Variants in FRMD4A observed in about 807,000 individuals in gnomAD.
The protein encoded by FRMD4A is FERM domain-containing protein 4A.
A neutral mutation model predicts 129.1 loss-of-function variants in FRMD4A; 29 were observed. The observed-to-expected ratio is 0.22, with a 90% CI of 0.17 to 0.31. The LOEUF is 0.31. FRMD4A is among the 10% of genes least tolerant of loss of function. FRMD4A has a pLI of 1.00. For missense variants in FRMD4A, 1,272 were observed against 1,375.8 expected, an observed-to-expected ratio of 0.92 and a Z score of 1.19; for synonymous variants, 634 against 571.6, an observed-to-expected ratio of 1.11 and a Z score of -1.56.
intron 2 of FRMD4A, among the ~76,000 whole-genome samples, chr10:13,997,465 C>T (rs556794521): frequency 1.3e-5 from 2 of 152,228 alleles, no homozygotes; most frequent in Non-Finnish European, 2.9e-5. Flanking sequence ...CCCACTGTGC[C>T]TGTTTTTCTG....
rs1375168871 is a variant in FRMD4A at position 13,659,610 on chromosome 10, C to A, written c.1899-120G>T. ...GAAAGCTCGCCCGTGACTCCCACCT[C>A]GCTTGGTCAGACCTCTACTGTGGTT... On this transcript the variant is annotated intron_variant, in intron 20 of 24. Coordinates refer to ENST00000357447, the MANE Select transcript of FRMD4A (RefSeq NM_018027.5). 6.0e-6 allele frequency: 6 copies of A among 993,924 alleles called. No homozygotes were observed. The Admixed American group carries it at 8.8e-5, about 15-fold the overall frequency. 61.6% of individuals were successfully genotyped at this position (993,924 alleles called of 1,614,324 possible).
At chr10:13,780,399 G>A (rs992541258) in intron 6 of FRMD4A, among the ~76,000 whole-genome samples, 2 of 152,142 alleles carry the variant, frequency 1.3e-5, no homozygotes, top group Non-Finnish European at 2.9e-5. Context: ...TCTTCCCCGG[G>A]AGGAGGTGTG....
intron 12 of FRMD4A, among the ~76,000 whole-genome samples, chr10:13,736,388 A>G (rs947381256): frequency 2.0e-5 from 3 of 152,204 alleles, no homozygotes; most frequent in Non-Finnish European, 2.9e-5. Flanking sequence ...CTTGTTGCAT[A>G]TAAATGGATA....
At chr10:14,176,528 G>A (rs1286527034) in intron 2 of FRMD4A, among the ~76,000 whole-genome samples, 1 of 135,094 alleles carries the variant, frequency 7.4e-6, no homozygotes, top group African/African-American at 2.8e-5. Flanking sequence ...AGGCTGGAGT[G>A]CAATGGCGCA....
chr10:14,091,463 C>G (rs1836658316), intron 2 of FRMD4A, among the ~76,000 whole-genome samples: 1 of 152,078 alleles, frequency 6.6e-6, no homozygotes, highest in Non-Finnish European at 1.5e-5. Flanking sequence ...GAGACGGAGT[C>G]CCACTCTGTC....
chr10:13,935,721 T>C (rs1358513426), intron 2 of FRMD4A, among the ~76,000 whole-genome samples: 1 of 152,160 alleles, frequency 6.6e-6, no homozygotes, highest in African/African-American at 2.4e-5. Flanking sequence ...GTTGTGCTCT[T>C]TCCACTTACT....
intron 2 of FRMD4A, among the ~76,000 whole-genome samples, chr10:14,240,264 A>G (rs779078595): frequency 6.6e-6 from 1 of 152,196 alleles, no homozygotes. Flanking sequence ...TTTCAGACAG[A>G]AATCACACAG....
chr10:13,743,316 G>C (rs943619518), intron 9 of FRMD4A, among the ~76,000 whole-genome samples: 1 of 152,128 alleles, frequency 6.6e-6, no homozygotes, highest in South Asian at 2.1e-4. Flanking sequence ...GAGGTTCAGC[G>C]GCTCCACTTC....
At chr10:13,684,858 T>C (rs2084931626) in intron 15 of FRMD4A, 1 of 978,714 alleles carries the variant, frequency 1.0e-6, no homozygotes, top group African/African-American at 1.9e-5. Flanking sequence ...AATCCGTCTC[T>C]TTAGACCTTA....
chr10:14,008,785 A>G (rs936166716), intron 2 of FRMD4A, among the ~76,000 whole-genome samples: 4 of 152,208 alleles, frequency 2.6e-5, no homozygotes, highest in African/African-American at 4.8e-5. Flanking sequence ...CATAAATTCT[A>G]TCTATAAAAC....
At chr10:14,102,466 T>C (rs1837359054) in intron 2 of FRMD4A, among the ~76,000 whole-genome samples, 1 of 152,106 alleles carries the variant, frequency 6.6e-6, no homozygotes, top group Non-Finnish European at 1.5e-5. Flanking sequence ...GGCGGACACA[T>C]TGAGTAATTC....
chr10:13,922,886 T>A (rs2610809), intron 2 of FRMD4A, among the ~76,000 whole-genome samples: 15,256 of 152,294 alleles, frequency 0.1, 1,076 homozygotes, highest in Non-Finnish European at 0.13. Context: ...AGTAATTGTC[T>A]GCAATAAATA....
chr10:14,283,116 A>G (rs995118509), intron 2 of FRMD4A, among the ~76,000 whole-genome samples: 5 of 152,240 alleles, frequency 3.3e-5, no homozygotes, highest in Non-Finnish European at 7.3e-5. Context: ...TAAACTCACA[A>G]ATTTGAAGGG....
chr10:13,839,420 C>G (rs2093928169), intron 3 of FRMD4A, among the ~76,000 whole-genome samples: 1 of 152,182 alleles, frequency 6.6e-6, no homozygotes, highest in African/African-American at 2.4e-5. Context: ...AGTGATCCTC[C>G]TCTGTGGTCA....
At chr10:13,768,245 G>A (rs1262867655) in intron 6 of FRMD4A, among the ~76,000 whole-genome samples, 1 of 152,188 alleles carries the variant, frequency 6.6e-6, no homozygotes, top group Non-Finnish European at 1.5e-5. Context: ...TTCTCAGAAA[G>A]ATTTCCATCT....
At chr10:13,707,718 C>T (rs769092938) in intron 12 of FRMD4A, 293 of 985,344 alleles carry the variant, frequency 3.0e-4, no homozygotes, top group Non-Finnish European at 3.4e-4. Context: ...CTCAAGATCA[C>T]AGTGTGAGCC....
chr10:13,945,801 G>A (rs2095327088), intron 2 of FRMD4A, among the ~76,000 whole-genome samples: 1 of 152,140 alleles, frequency 6.6e-6, no homozygotes, highest in South Asian at 2.1e-4. Context: ...CTATGCATTT[G>A]GCTGTTGTTG....
At chr10:14,016,470 G>A (rs147743953) in intron 2 of FRMD4A, among the ~76,000 whole-genome samples, 25 of 152,246 alleles carry the variant, frequency 1.6e-4, no homozygotes, top group South Asian at 4.1e-4. Flanking sequence ...GCACTTCACC[G>A]TCTAGCCATC....
chr10:13,875,998 A>G (rs2094485340), intron 2 of FRMD4A, among the ~76,000 whole-genome samples: 1 of 152,248 alleles, frequency 6.6e-6, no homozygotes, highest in Non-Finnish European at 1.5e-5. Flanking sequence ...GAAATTCCAG[A>G]AGATACATTC....
Sources: gnomAD v4.1 joint callset for allele counts (sites outside exome capture counted in the v4.1 genomes callset) on GRCh38, gnomAD v4.1.1 for gene constraint, MANE v1.5 for transcripts, NCBI Gene and HGNC (gene_info 2026-07-23, HGNC 2026-07-21) for gene names.